Variants in OR5P3 observed in about 807,000 individuals in gnomAD.
The protein encoded by OR5P3 is olfactory receptor 5P3.
For missense variants in OR5P3, 415 were observed against 375.6 expected (o/e 1.10, Z -0.87); for synonymous variants, 172 against 141.8 (o/e 1.21, Z -1.51).
In OR5P3 at chr11:7,825,249, T is replaced by C. The variant is rs1857719909; in HGVS notation, c.724A>G (p.Thr242Ala). Residue 242 changes from threonine (T) to alanine (A), a missense_variant, in exon 2 of 2, where the codon ACC becomes GCC. Thr to Ala is a moderately conservative substitution (Grantham distance 58, BLOSUM62 0). Coordinates refer to ENST00000641167, the MANE Select transcript of OR5P3 (RefSeq NM_153445.2). ...KGRHKAFSTC[T>A]SHLTAVTLFY... is the part of the protein sequence containing the mutation. ...AGAGTGACTGCAGTGAGGTGGGAGGTGCAGGTGGAGAAGGCCTTGTGGCGG... is the reference window on the plus strand; with the variant it reads ...AGAGTGACTGCAGTGAGGTGGGAGGCGCAGGTGGAGAAGGCCTTGTGGCGG... 10 of 1,612,708 alleles carry C rather than the reference T, an allele frequency of 6.2e-6. No individual in the cohort carries two copies. The highest frequency in any genetic ancestry group is 8.5e-6 in the Non-Finnish European group (10 of 1,179,978).
chr11:7,829,868 T>C (rs563368896), intron 1 of OR5P3, among the ~76,000 whole-genome samples: 2 of 152,164 alleles, frequency 1.3e-5, no homozygotes, highest in Non-Finnish European at 2.9e-5. Context: ...AGAGGTGCTA[T>C]AGCTGATAAG....
rs533589718 is a variant in OR5P3, at chr11:7,825,826, G to C, written c.147C>G (p.Ile49Met). The change falls in exon 2 of 2, where the codon ATC becomes ATG. Residue 49 changes from isoleucine (I) to methionine (M), a missense_variant. Ile to Met is a conservative substitution (Grantham distance 10). Transcript: ENST00000641167. ...GTGTATGAAGATGATGACTTCTTCT[G>C]ATCAATACAATTATGCTGATATTAC... ...LMGNISIIVL[I>M]RRSHHLHTPM... The C allele has an allele frequency of 6.2e-7, 1 of 1,613,024 alleles. No individual in the cohort carries two copies. The highest frequency in any genetic ancestry group is 1.1e-5 in the South Asian group (1 of 91,076).
intron 1 of OR5P3, among the ~76,000 whole-genome samples, chr11:7,830,362 G>A (rs1567523): frequency 0.88 from 133,422 of 152,260 alleles, 59,502 homozygotes; most frequent in Non-Finnish European, 0.96. Context: ...TTTGAACTCT[G>A]AAGTCCTATC....
In OR5P3 at chr11:7,825,734, A is replaced by C. The variant is rs531151076; in HGVS notation, c.239T>G (p.Val80Gly). 3.6e-5 allele frequency: 58 copies of C among 1,613,278 alleles called. 1 individual carries two copies. In the South Asian group the frequency reaches 6.3e-4, roughly 17 times the overall value. Residue 80 changes from valine to glycine, a missense_variant, in exon 2 of 2, where the codon GTC (valine) becomes GGC (glycine). By Grantham distance (109) the Val-to-Gly change is moderately radical. Coordinates refer to ENST00000641167, the MANE Select transcript of OR5P3 (RefSeq NM_153445.2). Reference protein sequence around the residue: ...DIGYSSSVTPVMLMSFLRKET... With the variant: ...DIGYSSSVTPGMLMSFLRKET... ...TTTCCTTAGGAAGCTCATGAGCATGACAGGTGTGACTGATGAGGAGTACCC... is the reference window on the plus strand; with the variant it reads ...TTTCCTTAGGAAGCTCATGAGCATGCCAGGTGTGACTGATGAGGAGTACCC...
chr11:7,830,475 T>A (rs371743592), intron 1 of OR5P3, among the ~76,000 whole-genome samples: 15 of 152,076 alleles, frequency 9.9e-5, no homozygotes, highest in African/African-American at 3.6e-4. Flanking sequence ...AAATTCAGAG[T>A]CAGTTATACA....
chr11:7,829,026 G>T (rs1407697081), intron 1 of OR5P3, among the ~76,000 whole-genome samples: 1 of 151,804 alleles, frequency 6.6e-6, no homozygotes, highest in Admixed American at 6.6e-5. Flanking sequence ...ATGAAGGAGA[G>T]AAAAATTACC....
intron 1 of OR5P3, among the ~76,000 whole-genome samples, chr11:7,828,719 T>C (rs1184255800): frequency 6.6e-6 from 1 of 152,126 alleles, no homozygotes; most frequent in African/African-American, 2.4e-5. Context: ...AAAACTGGAT[T>C]CTGGTGATAG....
At position 7,825,554 on chromosome 11, in the gene OR5P3, A is replaced by G. The variant is rs1169940551; in HGVS notation, c.419T>C (p.Val140Ala). 6.2e-7 allele frequency: 1 copy of G among 1,613,082 alleles called. No homozygotes were observed. Among genetic ancestry groups the G allele is most frequent in the Non-Finnish European group, 8.5e-7 (1 of 1,180,002 alleles). The change falls in exon 2 of 2, where the codon GTC (valine) becomes GCC (alanine). Residue 140 changes from valine (V) to alanine (A), a missense_variant. Coordinates refer to ENST00000641167, the MANE Select transcript of OR5P3 (RefSeq NM_153445.2). ...LLYSTCMSPGVCIILVGMSYL... is the reference protein window; with the variant it reads ...LLYSTCMSPGACIILVGMSYL... ...GGACATGCCCACTAAGATGATGCAGACTCCAGGGGACATGCAGGTAGAGTA... is the reference window on the plus strand; with the variant it reads ...GGACATGCCCACTAAGATGATGCAGGCTCCAGGGGACATGCAGGTAGAGTA...
intron 1 of OR5P3, 37 bp from the exon 2 acceptor site, chr11:7,826,030 A>C: frequency 1.1e-6 from 1 of 936,012 alleles, no homozygotes; most frequent in South Asian, 1.7e-5. Context: ...AATGGGATTA[A>C]ATGCTATAAT....
chr11:7,825,304 G>T lies in OR5P3; in HGVS notation c.669C>A (p.Ile223=), dbSNP rs766048092. The change falls in exon 2 of 2, where the codon ATC becomes ATA. Residue 223 remains isoleucine (I), a synonymous_variant. Transcript: ENST00000641167. ...TGGTGGAGTGCATCTTCAGGATGGT[G>T]ATGAGGATATAGATGTAGGATATGG... The part of the protein sequence containing the change: ...VIAISYIYIL[I]TILKMHSTKG... The T allele has an allele frequency of 1.2e-6, 2 of 1,613,244 alleles. No individual in the cohort carries two copies. Among genetic ancestry groups the T allele is most frequent in the Non-Finnish European group, 1.7e-6 (2 of 1,180,038 alleles).
chr11:7,830,080 A>G (rs1857791701), intron 1 of OR5P3, among the ~76,000 whole-genome samples: 1 of 152,188 alleles, frequency 6.6e-6, no homozygotes, highest in South Asian at 2.1e-4. Context: ...TCTCTCTTTA[A>G]AGATCAACCA....
rs1857735456 is a variant in OR5P3 at position 7,825,920 on chromosome 11, G to C, written c.53C>G (p.Ser18Cys). 1 of 1,600,704 alleles carries C rather than the reference G, an allele frequency of 6.2e-7. No individual in the cohort carries two copies. Among genetic ancestry groups the C allele is most frequent in the Non-Finnish European group, 8.5e-7 (1 of 1,172,790 alleles). ...AATAGCACAAACTGTAGTATCCTCA[G>C]ATAACCCCAAAAGAGTAAACTCTAC... ...TVVEFTLLGL[S>C]EDTTVCAILF... is the part of the protein sequence containing the mutation. The change falls in exon 2 of 2, where the codon TCT (serine) becomes TGT (cysteine). Residue 18 changes from serine to cysteine, a missense_variant. Transcript: ENST00000641167.
chr11:7,830,325 A>G (rs1469326110), intron 1 of OR5P3, among the ~76,000 whole-genome samples: 5 of 152,214 alleles, frequency 3.3e-5, no homozygotes, highest in African/African-American at 1.2e-4. Flanking sequence ...ATATCATGCT[A>G]TGTTAAGAAC....
intron 1 of OR5P3, among the ~76,000 whole-genome samples, chr11:7,829,090 A>T (rs1857779142): frequency 6.6e-6 from 1 of 152,178 alleles, no homozygotes; most frequent in South Asian, 2.1e-4. Context: ...TTGAAAATAT[A>T]TATTTGTGTC....
intron 1 of OR5P3, 91 bp downstream of exon 1, chr11:7,830,733 T>C (rs1258743377): frequency 1.3e-5 from 2 of 152,214 alleles, no homozygotes; most frequent in Non-Finnish European, 2.9e-5. Flanking sequence ...GTTCAACAAA[T>C]GATTATTTCC....
chr11:7,830,596 A>C (rs548485405), intron 1 of OR5P3, among the ~76,000 whole-genome samples: 17 of 152,312 alleles, frequency 1.1e-4, no homozygotes, highest in African/African-American at 3.8e-4. Context: ...GGAATCTTGG[A>C]AATTTTACAT....
rs538724779 is a variant in OR5P3 at position 7,824,972 on chromosome 11, C to T, written c.*65G>A. 8 of 1,273,868 alleles carry T rather than the reference C, an allele frequency of 6.3e-6. No homozygotes were observed. Among genetic ancestry groups the T allele is most frequent in the Admixed American group, 2.7e-5 (1 of 37,146 alleles). The allele number at this position is 1,273,868 out of a possible 1,614,324, so 78.9% of individuals were successfully genotyped here. A position where few individuals can be genotyped will look rare whatever the true frequency, so the allele number is the denominator to read the frequency against. ...CAGATAAATTTTGACCACAAACACTCGGTGTCTTATTATTATTATATATAG... is the reference window on the plus strand; with the variant it reads ...CAGATAAATTTTGACCACAAACACTTGGTGTCTTATTATTATTATATATAG... On this transcript the variant is annotated 3_prime_UTR_variant, in exon 2 of 2. Coordinates refer to ENST00000641167, the MANE Select transcript of OR5P3 (RefSeq NM_153445.2).
intron 1 of OR5P3, among the ~76,000 whole-genome samples, chr11:7,829,397 T>TG (rs1176447928): frequency 6.6e-6 from 1 of 151,956 alleles, no homozygotes; most frequent in Non-Finnish European, 1.5e-5. Context: ...CTTATTTTTT[T>TG]TTTTACTACT....
Position 7,825,648 on chromosome 11 carries a change from T to C in OR5P3, c.325A>G (p.Thr109Ala). Residue 109 changes from threonine to alanine, a missense_variant, in exon 2 of 2, where the codon ACG becomes GCG. Physicochemically the swap from Thr to Ala is moderately conservative, Grantham distance 58. Transcript: ENST00000641167. Reference protein sequence around the residue: ...AQLCSVVTFGTAECFLLAAMA... With the variant: ...AQLCSVVTFGAAECFLLAAMA... ...GCAGCCAGCAGGAAGCACTCGGCCG[T>C]ACCAAACGTCACTACAGAACAGAGC... 2 of 1,613,068 alleles carry C rather than the reference T, an allele frequency of 1.2e-6. No individual in the cohort carries two copies. The highest frequency in any genetic ancestry group is 1.7e-6 in the Non-Finnish European group (2 of 1,180,012).
Sources: allele counts gnomAD v4.1 joint callset (sites outside exome capture counted in the v4.1 genomes callset), GRCh38; gene constraint gnomAD v4.1.1; transcripts MANE v1.5; gene names NCBI Gene and HGNC (gene_info 2026-07-23, HGNC 2026-07-21).